KIAA1671: variants seen among roughly 807,000 people sequenced by gnomAD.
The protein encoded by KIAA1671 is KIAA1671, also known as uncharacterized protein KIAA1671.
Under a neutral mutation model 131.2 loss-of-function variants are expected in KIAA1671, and 52 were observed. The observed-to-expected ratio is 0.40, with a 90% CI of 0.32 to 0.50. The LOEUF (loss-of-function observed/expected upper bound fraction) is 0.50, where lower values mean the gene tolerates loss of function less well. Ranked by LOEUF, KIAA1671 falls within the 20% of genes least tolerant of loss-of-function variation. The probability of loss-of-function intolerance (pLI) is 0.73; values close to 1 mark genes in which losing one functional copy is unlikely to be tolerated. For synonymous variants in KIAA1671, 1,003 were observed against 961.6 expected (o/e 1.04, Z -0.80); for missense variants, 2,360 against 2,364.2 (o/e 1.00, Z 0.04).
At chr22:25,082,183 A>G (rs1226230405) in intron 6 of KIAA1671, among the ~76,000 whole-genome samples, 1 of 152,166 alleles carries the variant, frequency 6.6e-6, no homozygotes, top group East Asian at 1.9e-4. Flanking sequence ...TGGAGCCAGG[A>G]TACTGTGACC....
intron 1 of KIAA1671, among the ~76,000 whole-genome samples, chr22:24,962,984 A>G (rs1281010669): frequency 6.6e-6 from 1 of 152,118 alleles, no homozygotes; most frequent in Non-Finnish European, 1.5e-5. Context: ...ACATGGCGCC[A>G]CTATGAATGC....
intron 6 of KIAA1671, among the ~76,000 whole-genome samples, chr22:25,096,930 C>T (rs1210111021): frequency 1.3e-5 from 2 of 152,308 alleles, no homozygotes; most frequent in East Asian, 1.9e-4. Flanking sequence ...GATGTGTTCA[C>T]GTTGAGGCAC....
intron 1 of KIAA1671, among the ~76,000 whole-genome samples, chr22:24,993,519 C>T (rs1923952664): frequency 2.0e-5 from 3 of 152,212 alleles, no homozygotes; most frequent in Admixed American, 1.3e-4. Context: ...TCCAGGAATC[C>T]TTCCTGATCA....
intron 6 of KIAA1671, chr22:25,054,562 G>T (rs1169729378): frequency 6.7e-6 from 1 of 149,716 alleles, no homozygotes; most frequent in African/African-American, 2.4e-5. Context: ...GATGCGTAGG[G>T]TGAGGTATGG....
chr22:24,973,609 T>A (rs1922755371), intron 1 of KIAA1671, among the ~76,000 whole-genome samples: 1 of 151,830 alleles, frequency 6.6e-6, no homozygotes, highest in Non-Finnish European at 1.5e-5. Context: ...TAGGCCAAGC[T>A]GGTCTCTAAG....
At chr22:25,060,605 C>T (rs9624715) in intron 6 of KIAA1671, 69,107 of 152,090 alleles carry the variant, frequency 0.45, 17,083 homozygotes, top group African/African-American at 0.66. Context: ...ATCCTTGCCA[C>T]AACTCTGGGA....
At chr22:25,185,319 G>T (rs1934439727) in intron 11 of KIAA1671, 200 bp downstream of exon 11, 5 of 601,694 alleles carry the variant, frequency 8.3e-6, no homozygotes, top group Non-Finnish European at 1.4e-5. Context: ...AAGGAGGCCA[G>T]GAATCAGGCC....
At chr22:25,138,044 T>C (rs1437171032) in intron 6 of KIAA1671, among the ~76,000 whole-genome samples, 2 of 152,238 alleles carry the variant, frequency 1.3e-5, no homozygotes, top group Non-Finnish European at 2.9e-5. Flanking sequence ...TAAAAATTGT[T>C]TGCCTCTGTA....
At chr22:25,049,524 G>A in intron 6 of KIAA1671, 160 bp downstream of exon 6, 2 of 767,648 alleles carry the variant, frequency 2.6e-6, no homozygotes, top group South Asian at 2.1e-5. Context: ...GACTAGCTGT[G>A]TTGTGGTTCT....
chr22:25,007,312 C>T (rs1281565010), intron 1 of KIAA1671, among the ~76,000 whole-genome samples: 1 of 151,920 alleles, frequency 6.6e-6, no homozygotes, highest in Non-Finnish European at 1.5e-5. Flanking sequence ...ATGGTGAAAC[C>T]CCCTCTCTAC....
rs112659627 is a variant in KIAA1671 at position 24,960,320 on chromosome 22, C to T, written c.-208+7548C>T. On this transcript the variant is annotated intron_variant, in intron 1 of 12. Transcript: ENST00000358431. ...AATCCCAGCACTTTAGGCGGCCGGG[C>T]GGATCACTTGAGGTCAGGGGTTCAA... Among the ~76,000 whole-genome samples, 1,103 of 150,790 alleles carry T rather than the reference C, an allele frequency of 7.3e-3. 16 individuals are homozygous for T. The highest frequency in any genetic ancestry group is 0.025 in the African/African-American group (1,033 of 41,116).
At chr22:24,997,738 T>C (rs1195533751) in intron 1 of KIAA1671, among the ~76,000 whole-genome samples, 2 of 152,144 alleles carry the variant, frequency 1.3e-5, no homozygotes, top group Admixed American at 6.5e-5. Context: ...ATAACATACA[T>C]ACAGGAAAGT....
chr22:25,155,851 ATGTG>A (rs1239302922), intron 6 of KIAA1671, among the ~76,000 whole-genome samples: 2 of 150,874 alleles, frequency 1.3e-5, no homozygotes, highest in East Asian at 2.0e-4. Flanking sequence ...TTGCCTGTAT[ATGTG>A]TGTATTTGTA....
intron 6 of KIAA1671, chr22:25,070,412 T>C: frequency 2.0e-6 from 1 of 499,328 alleles, no homozygotes; most frequent in Non-Finnish European, 3.7e-6. Context: ...TTGCGCTACC[T>C]CTGGGTGAGT....
chr22:25,090,451 C>T (rs1929971360), intron 6 of KIAA1671, among the ~76,000 whole-genome samples: 1 of 152,228 alleles, frequency 6.6e-6, no homozygotes, highest in African/African-American at 2.4e-5. Flanking sequence ...TTTCCTCTTC[C>T]CTGGCCTTTC....
At position 25,028,484 on chromosome 22, in the gene KIAA1671, A is replaced by C; in HGVS notation, c.485A>C (p.Glu162Ala). The C allele has an allele frequency of 6.5e-7, 1 of 1,549,544 alleles. No individual in the cohort carries two copies. Among genetic ancestry groups the C allele is most frequent in the South Asian group, 1.2e-5 (1 of 83,786 alleles). ...CCCGCTCTGGGGAAGGCGGTTAGTG[A>C]GGGGGCGGAGGAGGCCAAGCTAGGT... ...SGPALGKAVS[E>A]GAEEAKLGVS... The change falls in exon 3 of 13, where the codon GAG (glutamate) becomes GCG (alanine). Residue 162 changes from glutamate (E) to alanine (A), a missense_variant. Glu to Ala is a moderately radical substitution (Grantham distance 107). This residue lies in a region of KIAA1671 where 1,185 missense variants were observed against 1,126.2 expected (regional missense o/e 1.05). Transcript: ENST00000358431.
chr22:25,148,340 C>T (rs956013510), intron 6 of KIAA1671, among the ~76,000 whole-genome samples: 21 of 151,658 alleles, frequency 1.4e-4, no homozygotes, highest in African/African-American at 4.8e-4. Context: ...ACAGTCCCAG[C>T]GCTCCCTCAG....
At chr22:25,093,752 C>CTG (rs1568951055) in intron 6 of KIAA1671, among the ~76,000 whole-genome samples, 43 of 54,356 alleles carry the variant, frequency 7.9e-4, no homozygotes, top group South Asian at 2.9e-3. Context: ...CTCTCTCTCT[C>CTG]TCTCTCTCTC....
At chr22:25,033,568 GTTTTCGT>G (rs1421222028) in intron 4 of KIAA1671, among the ~76,000 whole-genome samples, 1 of 61,916 alleles carries the variant, frequency 1.6e-5, no homozygotes, top group Non-Finnish European at 3.2e-5. Flanking sequence ...TGGTTGGTTT[GTTTTCGT>G]TTTTTTTTTT....
Sources: allele counts gnomAD v4.1 joint callset (sites outside exome capture counted in the v4.1 genomes callset), GRCh38; gene constraint gnomAD v4.1.1; regional missense constraint gnomAD v4.1.1; transcripts MANE v1.5; gene names NCBI Gene and HGNC (gene_info 2026-07-23, HGNC 2026-07-21).